The following ARHGAP42 variants were observed in gnomAD, a reference collection of about 807,000 sequenced individuals.
ARHGAP42 encodes the protein Rho GTPase activating protein 42.
ARHGAP42 carries 63 observed loss-of-function variants against 125.0 expected under a neutral mutation model. The ratio of observed to expected loss-of-function variants is 0.50; its 90% CI spans 0.41 to 0.62. ARHGAP42 has a LOEUF of 0.62. Ranked by LOEUF, ARHGAP42 falls within the 20% of genes least tolerant of loss-of-function variation. The pLI is 0.00. For synonymous variants in ARHGAP42, 339 were observed against 351.0 expected, an observed-to-expected ratio of 0.97 and a Z score of 0.38; for missense variants, 766 against 1,024.2, an observed-to-expected ratio of 0.75 and a Z score of 3.44.
intron 14 of ARHGAP42, among the ~76,000 whole-genome samples, 188 bp from the exon 15 acceptor site, chr11:100,961,496 A>G (rs1336631025): frequency 6.6e-6 from 1 of 152,170 alleles, no homozygotes; most frequent in Non-Finnish European, 1.5e-5. Context: ...TTCATAAGAT[A>G]TATCTTTGAG....
chr11:100,766,642 T>C (rs1862836340), intron 1 of ARHGAP42, among the ~76,000 whole-genome samples: 1 of 152,190 alleles, frequency 6.6e-6, no homozygotes, highest in Admixed American at 6.5e-5. Context: ...CAGTAGGAGA[T>C]GGAGCCAAGA....
At position 100,846,989 on chromosome 11, in the gene ARHGAP42, C is replaced by G. The variant is rs1865083625; in HGVS notation, c.313-12565C>G. Among the ~76,000 whole-genome samples, 2 of 152,154 alleles carry G rather than the reference C, an allele frequency of 1.3e-5. 1 individual carries two copies. The highest frequency in any genetic ancestry group is 4.1e-4 in the South Asian group (2 of 4,820). On this transcript the variant is annotated intron_variant, in intron 3 of 23. Coordinates refer to ENST00000298815, the MANE Select transcript of ARHGAP42 (RefSeq NM_152432.4). ...AAGCAGCTGAAGAAGAGACCCAGAG[C>G]CAGCACACAAAACACAGGGCTTTAT...
chr11:100,907,039 A>G (rs1022252633), intron 4 of ARHGAP42, among the ~76,000 whole-genome samples: 12 of 152,182 alleles, frequency 7.9e-5, no homozygotes, highest in Admixed American at 7.9e-4. Context: ...ACACACATAT[A>G]TGTCCCTTAG....
chr11:100,840,351 C>T (rs1864917170), intron 3 of ARHGAP42, among the ~76,000 whole-genome samples: 1 of 152,074 alleles, frequency 6.6e-6, no homozygotes, highest in Non-Finnish European at 1.5e-5. Context: ...GGAAATGTTC[C>T]TCTGTCCCTT....
At chr11:100,765,510 G>A (rs1591162798) in intron 1 of ARHGAP42, among the ~76,000 whole-genome samples, 1 of 152,148 alleles carries the variant, frequency 6.6e-6, no homozygotes, top group Admixed American at 6.6e-5. Flanking sequence ...ATGGCATCTA[G>A]TTCTTGCGGC....
chr11:100,829,160 C>T (rs1864600253), intron 3 of ARHGAP42, among the ~76,000 whole-genome samples: 1 of 151,962 alleles, frequency 6.6e-6, no homozygotes, highest in Non-Finnish European at 1.5e-5. Context: ...TGGCAGTTGG[C>T]ACTTTCTGGC....
chr11:100,728,009 T>C (rs1320979875), intron 1 of ARHGAP42, among the ~76,000 whole-genome samples: 2 of 152,284 alleles, frequency 1.3e-5, no homozygotes, highest in Middle Eastern at 3.4e-3. Context: ...CGGAATTCAA[T>C]TGAATTGTAG....
intron 2 of ARHGAP42, among the ~76,000 whole-genome samples, chr11:100,771,879 C>T (rs926228111): frequency 3.9e-5 from 6 of 152,092 alleles, no homozygotes; most frequent in East Asian, 3.9e-4. Flanking sequence ...GGATTACAGA[C>T]GTGAGCCACT....
At chr11:100,891,165 A>G (rs1241660510) in intron 4 of ARHGAP42, among the ~76,000 whole-genome samples, 1 of 152,182 alleles carries the variant, frequency 6.6e-6, no homozygotes, top group African/African-American at 2.4e-5. Flanking sequence ...CTGGGTTTCA[A>G]ACATATGTTT....
At chr11:100,893,158 G>GGGGTGTGTGTGT (rs1555018918) in intron 4 of ARHGAP42, among the ~76,000 whole-genome samples, 3 of 146,988 alleles carry the variant, frequency 2.0e-5, no homozygotes, top group South Asian at 2.2e-4. Context: ...AACATTTAGG[G>GGGGTGTGTGTGT]GTGTGTGTGT....
chr11:100,808,395 C>CTTTTT (rs398045483), intron 3 of ARHGAP42, among the ~76,000 whole-genome samples: 35 of 118,774 alleles, frequency 2.9e-4, no homozygotes, highest in African/African-American at 6.6e-4. Context: ...TAAATTCACT[C>CTTTTT]TTTTTTTTTT....
intron 1 of ARHGAP42, among the ~76,000 whole-genome samples, chr11:100,699,499 T>C (rs1282668059): frequency 5.2e-5 from 2 of 38,502 alleles, no homozygotes; most frequent in African/African-American, 2.1e-4. Flanking sequence ...TATATATATA[T>C]ATATATATTT....
intron 1 of ARHGAP42, among the ~76,000 whole-genome samples, chr11:100,728,250 C>T (rs7928576): frequency 0.56 from 85,443 of 151,930 alleles, 24,464 homozygotes; most frequent in African/African-American, 0.69. Context: ...AGTTGGCTAT[C>T]GAAAAGGCCA....
intron 21 of ARHGAP42, among the ~76,000 whole-genome samples, chr11:100,978,388 C>A (rs1858443588): frequency 6.6e-6 from 1 of 152,144 alleles, no homozygotes; most frequent in Non-Finnish European, 1.5e-5. Flanking sequence ...TCTTTCAATT[C>A]TTTTTAGTCA....
At chr11:100,691,748 C>T (rs1187424651) in intron 1 of ARHGAP42, among the ~76,000 whole-genome samples, 1 of 151,964 alleles carries the variant, frequency 6.6e-6, no homozygotes. Flanking sequence ...CTCATCAAAC[C>T]CCTGGGTTCA....
chr11:100,907,010 C>G (rs1469704648), intron 4 of ARHGAP42, among the ~76,000 whole-genome samples: 3 of 152,106 alleles, frequency 2.0e-5, no homozygotes, highest in Non-Finnish European at 4.4e-5. Context: ...AGAGATACAC[C>G]CAGAAGTTGG....
chr11:100,862,137 G>A (rs1439934407), intron 4 of ARHGAP42, among the ~76,000 whole-genome samples: 1 of 152,092 alleles, frequency 6.6e-6, no homozygotes, highest in Admixed American at 6.5e-5. Context: ...TAATTAAATA[G>A]TCACAGCAAA....
At chr11:100,738,765 G>A (rs547915794) in intron 1 of ARHGAP42, among the ~76,000 whole-genome samples, 3 of 152,298 alleles carry the variant, frequency 2.0e-5, no homozygotes, top group African/African-American at 4.8e-5. Flanking sequence ...AAGTGAACAT[G>A]TAGAAATCTG....
chr11:100,747,636 C>CA (rs952954580), intron 1 of ARHGAP42, among the ~76,000 whole-genome samples: 2 of 152,214 alleles, frequency 1.3e-5, no homozygotes, highest in African/African-American at 4.8e-5. Context: ...ACCTTTAAAA[C>CA]AAAAATTTTT....
Sources: allele counts gnomAD v4.1 joint callset (sites outside exome capture counted in the v4.1 genomes callset), GRCh38; gene constraint gnomAD v4.1.1; transcripts MANE v1.5; gene names NCBI Gene and HGNC (gene_info 2026-07-23, HGNC 2026-07-21).